Variants in AGMO observed in about 807,000 individuals in gnomAD.
AGMO encodes the protein glyceryl-ether monooxygenase.
Under a neutral mutation model 60.2 loss-of-function variants are expected in AGMO, and 75 were observed. The ratio of observed to expected loss-of-function variants is 1.25; its 90% CI spans 1.03 to 1.51. The LOEUF is 1.51. AGMO is among the 40% of genes most tolerant of loss of function. The probability of loss-of-function intolerance (pLI) is 0.00; values close to 1 mark genes in which losing one functional copy is unlikely to be tolerated. For synonymous variants in AGMO, 261 were observed against 177.1 expected (o/e 1.47, Z -3.76); for missense variants, 763 against 525.5 (o/e 1.45, Z -4.42).
the AGMO span, among the ~76,000 whole-genome samples, chr7:15,135,972 T>A: frequency 1.1e-5 from 1 of 93,698 alleles, no homozygotes; most frequent in Non-Finnish European, 2.3e-5. Flanking sequence ...ATTATATTTT[T>A]TCTTTTCTTT....
intron 10 of AGMO, among the ~76,000 whole-genome samples, chr7:15,376,052 A>G (rs968662069): frequency 6.6e-6 from 1 of 152,148 alleles, no homozygotes; most frequent in Non-Finnish European, 1.5e-5. Context: ...AAATACAATG[A>G]TCACTTTTCT....
the AGMO span, among the ~76,000 whole-genome samples, chr7:15,125,138 T>C: frequency 3.0e-4 from 46 of 152,302 alleles, no homozygotes; most frequent in Admixed American, 2.8e-3. Flanking sequence ...TACCTGTATG[T>C]GCAAGCTCTT....
At chr7:15,458,510 A>G (rs1369421325) in intron 3 of AGMO, among the ~76,000 whole-genome samples, 1 of 152,204 alleles carries the variant, frequency 6.6e-6, no homozygotes, top group African/African-American at 2.4e-5. Context: ...TGTCTGTCTT[A>G]TAAAGCAACA....
intron 4 of AGMO, among the ~76,000 whole-genome samples, chr7:15,423,531 T>C (rs1780980507): frequency 6.6e-6 from 1 of 152,222 alleles, no homozygotes; most frequent in Non-Finnish European, 1.5e-5. Flanking sequence ...GAATTGATTT[T>C]CATTAACATG....
rs150406776 is a variant in AGMO, at chr7:15,527,742, C to T, written c.409+17030G>A. 6.1e-3 allele frequency among the ~76,000 whole-genome samples: 928 copies of T among 152,208 alleles called. 9 individuals carry two copies. Among genetic ancestry groups the T allele is most frequent in the African/African-American group, 0.021 (881 of 41,540 alleles). ...AACAGGCTGACTCTCTTGTTTGGGG[C>T]TAATACAGGTGGTGGCTTTAAGATG... On this transcript the variant is annotated intron_variant, in intron 3 of 12. Transcript: ENST00000342526.
At chr7:15,398,626 A>G (rs966860322) in intron 5 of AGMO, among the ~76,000 whole-genome samples, 2 of 152,220 alleles carry the variant, frequency 1.3e-5, no homozygotes, top group Non-Finnish European at 2.9e-5. Context: ...CAATTCGACG[A>G]CGTCTAGCTT....
intron 3 of AGMO, among the ~76,000 whole-genome samples, chr7:15,496,786 G>A (rs1224355672): frequency 6.6e-6 from 1 of 152,194 alleles, no homozygotes; most frequent in East Asian, 1.9e-4. Context: ...GTCAGAAATT[G>A]AATGAAATTA....
intron 10 of AGMO, among the ~76,000 whole-genome samples, chr7:15,381,647 T>A (rs1783691740): frequency 6.6e-6 from 1 of 152,116 alleles, no homozygotes; most frequent in African/African-American, 2.4e-5. Context: ...GGAATACTAT[T>A]CCACCCAGCA....
the AGMO span, among the ~76,000 whole-genome samples, chr7:15,190,708 T>C: frequency 6.6e-6 from 1 of 152,180 alleles, no homozygotes; most frequent in Non-Finnish European, 1.5e-5. Context: ...ATACAAATTA[T>C]TGAGTAGTCC....
chr7:15,194,718 G>C, the AGMO span, among the ~76,000 whole-genome samples: 1 of 152,132 alleles, frequency 6.6e-6, no homozygotes, highest in Non-Finnish European at 1.5e-5. Flanking sequence ...TTATTAATTT[G>C]GTGGGGAGGG....
intron 12 of AGMO, among the ~76,000 whole-genome samples, chr7:15,313,412 T>TA (rs1022653770): frequency 6.6e-5 from 10 of 152,306 alleles, no homozygotes; most frequent in Non-Finnish European, 1.2e-4. Context: ...CTAAAACTAC[T>TA]AAGTACTTTG....
At chr7:15,379,732 C>T (rs1019579635) in intron 10 of AGMO, among the ~76,000 whole-genome samples, 1 of 151,926 alleles carries the variant, frequency 6.6e-6, no homozygotes, top group African/African-American at 2.4e-5. Flanking sequence ...AGGCCAATAT[C>T]CTTGACTGAC....
chr7:15,498,545 C>A (rs1226844167), intron 3 of AGMO, among the ~76,000 whole-genome samples: 1 of 151,896 alleles, frequency 6.6e-6, no homozygotes, highest in East Asian at 1.9e-4. Flanking sequence ...GGTTACAAAT[C>A]ATGTTTGTAT....
chr7:15,484,647 T>G (rs1782865154), intron 3 of AGMO, among the ~76,000 whole-genome samples: 1 of 152,154 alleles, frequency 6.6e-6, no homozygotes, highest in Non-Finnish European at 1.5e-5. Context: ...AAAACAATCT[T>G]TCACCCAATC....
intron 12 of AGMO, among the ~76,000 whole-genome samples, chr7:15,241,451 C>T (rs1442889464): frequency 9.1e-6 from 1 of 110,312 alleles, no homozygotes; most frequent in South Asian, 3.4e-4. Context: ...AAGAGTGAGA[C>T]TCCGTCTCAA....
At chr7:15,372,354 G>C (rs1783254472) in intron 10 of AGMO, among the ~76,000 whole-genome samples, 1 of 152,158 alleles carries the variant, frequency 6.6e-6, no homozygotes, top group Admixed American at 6.6e-5. Context: ...GGGCAGCTGA[G>C]GCAGGAGTAA....
chr7:15,240,229 CAAGTT>C (rs1424459492), intron 12 of AGMO, among the ~76,000 whole-genome samples: 2 of 152,048 alleles, frequency 1.3e-5, no homozygotes, highest in African/African-American at 4.8e-5. Flanking sequence ...TACAGGACGA[CAAGTT>C]AAGTTTGAAT....
At chr7:15,495,325 A>G (rs945244295) in intron 3 of AGMO, among the ~76,000 whole-genome samples, 10 of 152,152 alleles carry the variant, frequency 6.6e-5, no homozygotes, top group African/African-American at 1.2e-4. Context: ...CATTCTTCCA[A>G]TAACTACCCT....
chr7:15,196,922 T>C (rs904779391), downstream of AGMO, among the ~76,000 whole-genome samples: 1 of 152,176 alleles, frequency 6.6e-6, no homozygotes, highest in Non-Finnish European at 1.5e-5. Flanking sequence ...TAAACATCAA[T>C]GCTTAATTTG....
Sources: allele counts gnomAD v4.1 joint callset (sites outside exome capture counted in the v4.1 genomes callset), GRCh38; gene constraint gnomAD v4.1.1; transcripts MANE v1.5; gene names NCBI Gene and HGNC (gene_info 2026-07-23, HGNC 2026-07-21).